IST1: variants seen among roughly 807,000 people sequenced by gnomAD.
IST1 encodes IST1 factor associated with ESCRT-III.
A neutral mutation model predicts 37.0 loss-of-function variants in IST1; 23 were observed. The ratio of observed to expected loss-of-function variants is 0.62; its 90% CI spans 0.45 to 0.88. The LOEUF (loss-of-function observed/expected upper bound fraction) is 0.88. IST1 is among the 40% of genes least tolerant of loss of function. The pLI, the probability that IST1 is intolerant of heterozygous loss-of-function variation, is 0.00. For synonymous variants in IST1, 180 were observed against 161.7 expected, an observed-to-expected ratio of 1.11 and a Z score of -0.86; for missense variants, 488 against 445.4, an observed-to-expected ratio of 1.10 and a Z score of -0.86.
Position 71,930,441 on chromosome 16 carries a change from A to T in IST1, c.*2628A>T. On this transcript the variant is annotated 3_prime_UTR_variant, in exon 10 of 10. Transcript: ENST00000378799. ...AACAGGTGAGTTGCAGTGGAATTGG[A>T]AATGATTCAAATGTCACATGAGTTT... 3.3e-6 allele frequency: 1 copy of T among 302,646 alleles called. No homozygotes were observed. Among genetic ancestry groups the T allele is most frequent in the Non-Finnish European group, 6.0e-6 (1 of 165,296 alleles). The allele number at this position is 302,646 out of a possible 1,614,324, so 18.7% of individuals were successfully genotyped here.
chr16:71,927,219 G>C (rs1184831837), intron 9 of IST1, among the ~76,000 whole-genome samples: 5 of 151,846 alleles, frequency 3.3e-5, no homozygotes, highest in Non-Finnish European at 5.9e-5. Flanking sequence ...CTTTTTTTTA[G>C]CCAGATGCGG....
At chr16:71,920,998 A>C (rs146317229) in intron 5 of IST1, 176 bp downstream of exon 5, 1 of 655,352 alleles carries the variant, frequency 1.5e-6, no homozygotes, top group Non-Finnish European at 2.8e-6. Flanking sequence ...CACCTGCCCA[A>C]TTCCTCTGGT....
chr16:71,917,771 T>C (rs745611820), intron 4 of IST1, among the ~76,000 whole-genome samples: 24 of 152,356 alleles, frequency 1.6e-4, no homozygotes, highest in Non-Finnish European at 2.5e-4. Context: ...TTCTAGGTTT[T>C]TTTCAAGAGC....
At chr16:71,922,024 C>G (rs551809731) in intron 6 of IST1, among the ~76,000 whole-genome samples, 2 of 152,246 alleles carry the variant, frequency 1.3e-5, no homozygotes, top group East Asian at 1.9e-4. Context: ...GTAATCTCAG[C>G]TACTCGGGAG....
intron 4 of IST1, among the ~76,000 whole-genome samples, chr16:71,918,748 A>T (rs1231213398): frequency 6.6e-6 from 1 of 152,192 alleles, no homozygotes; most frequent in Non-Finnish European, 1.5e-5. Context: ...CTTTAAAATT[A>T]ATTTTGGAAA....
At chr16:71,910,460 G>A (rs926012928) in intron 1 of IST1, among the ~76,000 whole-genome samples, 8 of 151,964 alleles carry the variant, frequency 5.3e-5, no homozygotes, top group Non-Finnish European at 1.0e-4. Context: ...TAAAAAATTA[G>A]CTGGGTGTGG....
chr16:71,908,858 C>G (rs889573087), intron 1 of IST1, among the ~76,000 whole-genome samples: 2 of 152,134 alleles, frequency 1.3e-5, no homozygotes, highest in African/African-American at 4.8e-5. Flanking sequence ...ATTGGTACTT[C>G]AAATTGTGGT....
chr16:71,929,334 G>A lies in IST1; in HGVS notation c.*1521G>A. 4.3e-6 allele frequency: 2 copies of A among 466,380 alleles called. No homozygotes were observed. Among genetic ancestry groups the A allele is most frequent in the South Asian group, 3.8e-5 (1 of 26,512 alleles). 28.9% of individuals were successfully genotyped at this position (466,380 alleles called of 1,614,324 possible). ...GAGTTCTGTTACTTGCTGCTTGGCA[G>A]CAGAGCTAGTTTGTCTCGTAGTATT... On this transcript the variant is annotated 3_prime_UTR_variant, in exon 10 of 10. Coordinates refer to ENST00000378799, the MANE Select transcript of IST1 (RefSeq NM_001270975.2).
Position 71,916,386 on chromosome 16 carries a change from G to T in IST1, c.89-76G>T, listed in dbSNP as rs377619569. ...ATAGTAGAAACACCCAGTTCTTCCT[G>T]TTGGGGGGAGATTGGCCTGTAGGCC... is the stretch of plus-strand genomic sequence containing the variant. On this transcript the variant is annotated intron_variant, in intron 2 of 9. Transcript: ENST00000378799. 4.6e-5 allele frequency: 65 copies of T among 1,428,196 alleles called. 1 individual carries two copies. Among genetic ancestry groups the T allele is most frequent in the Admixed American group, 3.2e-4 (18 of 56,294 alleles). 88.5% of individuals were successfully genotyped at this position (1,428,196 alleles called of 1,614,324 possible).
intron 4 of IST1, 122 bp downstream of exon 4, chr16:71,917,256 A>G (rs752547522): frequency 1.7e-5 from 10 of 590,210 alleles, no homozygotes; most frequent in African/African-American, 3.7e-5. Flanking sequence ...TGCTTTTGAA[A>G]TAGGTTTTGT....
chr16:71,910,805 T>G (rs2037337247), intron 1 of IST1, among the ~76,000 whole-genome samples: 1 of 151,528 alleles, frequency 6.6e-6, no homozygotes, highest in Non-Finnish European at 1.5e-5. Flanking sequence ...TTGTAAATAT[T>G]CATCAATTTG....
chr16:71,919,534 G>A (rs965840249), intron 4 of IST1, among the ~76,000 whole-genome samples: 11 of 152,262 alleles, frequency 7.2e-5, no homozygotes, highest in South Asian at 4.2e-4. Flanking sequence ...CAAGAGGTGC[G>A]TGCCACCATG....
chr16:71,920,860 G>T, intron 5 of IST1, 38 bp downstream of exon 5: 1 of 1,446,692 alleles, frequency 6.9e-7, no homozygotes, highest in South Asian at 1.1e-5. Context: ...GGCAGTGTGT[G>T]GGAGCAGTTT....
At position 71,927,610 on chromosome 16, in the gene IST1, T is replaced by G. The variant is rs540064218; in HGVS notation, c.902-4T>G. ...TGTAACGTTGTGCTCCTTGCCCTAA[T>G]TAGGTCCTGGACCCAAGCCAGAAGC... On this transcript the variant is annotated splice_region_variant and splice_polypyrimidine_tract_variant and intron_variant, in intron 9 of 9. Coordinates refer to ENST00000378799, the MANE Select transcript of IST1 (RefSeq NM_001270975.2). 1 of 1,610,812 alleles carries G rather than the reference T, an allele frequency of 6.2e-7. No homozygotes were observed. The highest frequency in any genetic ancestry group is 1.7e-5 in the Admixed American group (1 of 59,986).
chr16:71,895,236 CGAGAATCA>C (rs2036937509), upstream of IST1: 1 of 166,090 alleles, frequency 6.0e-6, no homozygotes, highest in Non-Finnish European at 1.3e-5. Flanking sequence ...GCGCAGAGTC[CGAGAATCA>C]ACAGCTGTGG....
At chr16:71,919,301 A>G (rs1262065829) in intron 4 of IST1, among the ~76,000 whole-genome samples, 1 of 152,062 alleles carries the variant, frequency 6.6e-6, no homozygotes, top group Non-Finnish European at 1.5e-5. Flanking sequence ...AGAACTGACC[A>G]TGTTTGTTTC....
chr16:71,930,387 T>TA lies in IST1; in HGVS notation c.*2576dup. The TA allele has an allele frequency of 2.4e-6, 1 of 414,850 alleles. No homozygotes were observed. The allele number at this position is 414,850 out of a possible 1,614,324, so 25.7% of individuals were successfully genotyped here. A position where few individuals can be genotyped will look rare whatever the true frequency, so the allele number is the denominator to read the frequency against. Reference sequence around the variant, plus strand: ...ATGACTCATTTTAAGGAGGTTAAGATAATTGTGACTGCAGGGCTTTCACAA... The same window carrying TA: ...ATGACTCATTTTAAGGAGGTTAAGATAAATTGTGACTGCAGGGCTTTCACAA... On this transcript the variant is annotated 3_prime_UTR_variant, in exon 10 of 10. Transcript: ENST00000378799.
chr16:71,898,887 C>G (rs2037038790), intron 1 of IST1, among the ~76,000 whole-genome samples: 1 of 150,392 alleles, frequency 6.6e-6, no homozygotes, highest in Non-Finnish European at 1.5e-5. Context: ...ATCACTTGAA[C>G]CTAGGAGGCG....
rs116956764 is a variant in IST1 at position 71,897,124 on chromosome 16, C to T, written c.-16+1535C>T. ...ACCTTTCAGGACTCAAGTGATCCTC[C>T]CGCCCCAGCCTTGGGAGTAGTAGCT... On this transcript the variant is annotated intron_variant, in intron 1 of 9. Transcript: ENST00000378799. Among the ~76,000 whole-genome samples the T allele has an allele frequency of 7.2e-3, 1,091 of 151,888 alleles. 9 individuals carry two copies. Among genetic ancestry groups the T allele is most frequent in the Non-Finnish European group, 0.012 (825 of 67,936 alleles).
Sources: allele counts gnomAD v4.1 joint callset (sites outside exome capture counted in the v4.1 genomes callset), GRCh38; gene constraint gnomAD v4.1.1; transcripts MANE v1.5; gene names NCBI Gene and HGNC (gene_info 2026-07-23, HGNC 2026-07-21).